DISC1: variants seen among roughly 807,000 people sequenced by gnomAD.
DISC1 encodes the protein disrupted in schizophrenia 1 protein.
In DISC1, 57 loss-of-function variants were observed where a neutral mutation model predicts 84.5. The ratio of observed to expected loss-of-function variants is 0.67; its 90% confidence interval spans 0.55 to 0.84. The LOEUF (loss-of-function observed/expected upper bound fraction) is 0.84. Among genes scored for constraint, DISC1 ranks in the 40% least tolerant of loss-of-function variants. The pLI is 0.00. For synonymous variants in DISC1, 411 were observed against 415.2 expected, an observed-to-expected ratio of 0.99 and a Z score of 0.12; for missense variants, 1,000 against 1,057.8, an observed-to-expected ratio of 0.95 and a Z score of 0.76.
intron 1 of DISC1, 66 bp downstream of exon 1, chr1:231,627,000 GC>G: frequency 8.3e-7 from 1 of 1,198,986 alleles, no homozygotes; most frequent in Non-Finnish European, 1.1e-6. Flanking sequence ...GCGCGCTCTG[GC>G]CCCCAGGAAG....
At chr1:231,799,993 T>G in intron 7 of DISC1, 115 bp from the exon 8 acceptor site, 1 of 667,512 alleles carries the variant, frequency 1.5e-6, no homozygotes. Flanking sequence ...TCCAATTACT[T>G]TTCATCACCC....
chr1:231,726,608 C>T (rs1364762526), intron 3 of DISC1, among the ~76,000 whole-genome samples: 1 of 152,188 alleles, frequency 6.6e-6, no homozygotes, highest in African/African-American at 2.4e-5. Flanking sequence ...GCTGTATTCC[C>T]TCCCTACATA....
intron 3 of DISC1, among the ~76,000 whole-genome samples, chr1:231,749,717 A>T (rs2074393652): frequency 1.3e-5 from 2 of 152,348 alleles, no homozygotes; most frequent in Admixed American, 1.3e-4. Context: ...AGTTAAAAGA[A>T]TAAAAGATAG....
chr1:231,694,530 G>A lies in DISC1; in HGVS notation c.772G>A (p.Asp258Asn), dbSNP rs1433254516. Residue 258 changes from aspartate to asparagine, a missense_variant, in exon 2 of 13, where the codon GAC (aspartate) becomes AAC (asparagine). Physicochemically the swap from Asp to Asn is conservative, Grantham distance 23. Around this residue, in one of 3 missense-constraint regions of DISC1, gnomAD observed 311 missense variants for 400.1 expected, o/e 0.78. Transcript: ENST00000439617. ...TGCCAGCTTGGACGGGCCTCACGAG[G>A]ACCCGCGATGTCTCTCTCGGCCCTT... ...KAASLDGPHE[D>N]PRCLSRPFSL... The A allele has an allele frequency of 2.2e-5, 36 of 1,614,118 alleles. No individual in the cohort carries two copies. The Admixed American group carries it at 6.0e-4, about 27-fold the overall frequency.
chr1:231,730,960 T>G (rs962552112), intron 3 of DISC1, among the ~76,000 whole-genome samples: 1 of 152,208 alleles, frequency 6.6e-6, no homozygotes, highest in South Asian at 2.1e-4. Context: ...AGTTTCTCTT[T>G]CAGAGTTTAC....
chr1:231,834,356 C>A (rs907072210), intron 9 of DISC1, among the ~76,000 whole-genome samples: 1 of 151,948 alleles, frequency 6.6e-6, no homozygotes, highest in African/African-American at 2.4e-5. Flanking sequence ...GGGGTTGGGA[C>A]TGAGGGGACA....
At chr1:231,760,518 G>T (rs1429660168) in intron 4 of DISC1, among the ~76,000 whole-genome samples, 1 of 152,108 alleles carries the variant, frequency 6.6e-6, no homozygotes, top group Non-Finnish European at 1.5e-5. Context: ...ACTCCCTCAG[G>T]ACCGCATTTT....
At chr1:232,022,091 G>C (rs1024101657) in intron 11 of DISC1, among the ~76,000 whole-genome samples, 14 of 152,164 alleles carry the variant, frequency 9.2e-5, no homozygotes, top group Non-Finnish European at 1.9e-4. Context: ...ATACATTGAA[G>C]GAATTTCAAG....
chr1:231,838,207 T>C (rs1488134856), intron 9 of DISC1, among the ~76,000 whole-genome samples: 1 of 152,210 alleles, frequency 6.6e-6, no homozygotes, highest in African/African-American at 2.4e-5. Flanking sequence ...AATCTATGAA[T>C]TTAACATATA....
At chr1:231,837,220 T>G (rs550160990) in intron 9 of DISC1, among the ~76,000 whole-genome samples, 1 of 152,328 alleles carries the variant, frequency 6.6e-6, no homozygotes, top group African/African-American at 2.4e-5. Flanking sequence ...CACTTGCAAT[T>G]GTGCTTCTCA....
At chr1:231,820,739 C>T (rs1048405318) in intron 9 of DISC1, among the ~76,000 whole-genome samples, 4 of 152,160 alleles carry the variant, frequency 2.6e-5, no homozygotes, top group East Asian at 1.9e-4. Flanking sequence ...CCTTTAAGTA[C>T]GCTTTTAGAA....
intron 9 of DISC1, among the ~76,000 whole-genome samples, chr1:231,899,958 A>G (rs1251212467): frequency 6.6e-6 from 1 of 152,212 alleles, no homozygotes; most frequent in Non-Finnish European, 1.5e-5. Context: ...ATGAGACTAT[A>G]TAAGTGATTT....
chr1:231,973,135 C>T (rs1286268547), intron 10 of DISC1, among the ~76,000 whole-genome samples: 1 of 151,668 alleles, frequency 6.6e-6, no homozygotes, highest in Non-Finnish European at 1.5e-5. Flanking sequence ...CAACCTCTGC[C>T]TCCTGGGTTC....
At chr1:231,715,070 A>G (rs1477444816) in intron 3 of DISC1, among the ~76,000 whole-genome samples, 1 of 152,208 alleles carries the variant, frequency 6.6e-6, no homozygotes, top group Non-Finnish European at 1.5e-5. Flanking sequence ...TGGATCCAGT[A>G]TGAAAACCTT....
At chr1:231,836,760 G>C (rs2082657578) in intron 9 of DISC1, among the ~76,000 whole-genome samples, 1 of 152,124 alleles carries the variant, frequency 6.6e-6, no homozygotes, top group African/African-American at 2.4e-5. Context: ...CAGCTCCTCT[G>C]ACCACCTTAA....
chr1:231,798,402 G>T (rs894519368), intron 7 of DISC1, among the ~76,000 whole-genome samples: 1 of 152,144 alleles, frequency 6.6e-6, no homozygotes, highest in African/African-American at 2.4e-5. Context: ...AATATTGACA[G>T]CTTGAAAGAT....
chr1:231,682,060 C>T (rs1053299536), intron 1 of DISC1, among the ~76,000 whole-genome samples: 5 of 151,954 alleles, frequency 3.3e-5, no homozygotes, highest in Admixed American at 6.6e-5. Flanking sequence ...TAGTAAATAC[C>T]CCAAAGAGCG....
Position 231,783,058 on chromosome 1 carries a change from G to A in DISC1, c.1634+11988G>A, listed in dbSNP as rs144771455. Reference sequence around the variant, plus strand: ...AAATAATCAGAATAAAGGGAGGGTAGTAATTGAAATGGAAATATGAAGTTG... The same window carrying A: ...AAATAATCAGAATAAAGGGAGGGTAATAATTGAAATGGAAATATGAAGTTG... On this transcript the variant is annotated intron_variant, in intron 6 of 12. Transcript: ENST00000439617. 2.5e-3 allele frequency among the ~76,000 whole-genome samples: 376 copies of A among 152,256 alleles called. 1 individual carries two copies. The highest frequency in any genetic ancestry group is 8.5e-3 in the African/African-American group (354 of 41,538).
At chr1:231,836,111 T>A (rs1172735858) in intron 9 of DISC1, among the ~76,000 whole-genome samples, 1 of 152,230 alleles carries the variant, frequency 6.6e-6, no homozygotes, top group Non-Finnish European at 1.5e-5. Context: ...AGAGAAGTAC[T>A]CAGTATCCTA....
Sources: allele counts gnomAD v4.1 joint callset (sites outside exome capture counted in the v4.1 genomes callset), GRCh38; gene constraint gnomAD v4.1.1; regional missense constraint gnomAD v4.1.1; transcripts MANE v1.5; gene names NCBI Gene and HGNC (gene_info 2026-07-23, HGNC 2026-07-21).